EML1: variants seen among roughly 807,000 people sequenced by gnomAD.
EML1 encodes the protein EMAP like 1, also known as echinoderm microtubule-associated protein-like 1.
A neutral mutation model predicts 110.4 loss-of-function variants in EML1; 27 were observed. The observed-to-expected ratio is 0.24, with a 90% CI of 0.18 to 0.34. The LOEUF (loss-of-function observed/expected upper bound fraction) is 0.34, where lower values mean the gene tolerates loss of function less well. EML1 is among the 10% of genes least tolerant of loss of function. EML1 has a pLI of 1.00. For synonymous variants in EML1, 344 were observed against 385.8 expected (o/e 0.89, Z 1.27); for missense variants, 741 against 1,030.9 (o/e 0.72, Z 3.85).
chr14:99,850,154 A>G (rs2058770928), intron 1 of EML1: 3 of 501,916 alleles, frequency 6.0e-6, no homozygotes, highest in Non-Finnish European at 1.1e-5. Flanking sequence ...GCCTAGGCTG[A>G]TATCAAACTC....
intron 1 of EML1, among the ~76,000 whole-genome samples, chr14:99,795,131 C>T (rs533489852): frequency 6.6e-6 from 1 of 152,108 alleles, no homozygotes; most frequent in Admixed American, 6.5e-5. Context: ...GCTTGATTTG[C>T]GATATGAAAA....
chr14:99,819,468 C>T (rs1029772152), intron 1 of EML1, among the ~76,000 whole-genome samples: 8 of 152,094 alleles, frequency 5.3e-5, no homozygotes, highest in African/African-American at 1.2e-4. Context: ...TCATAGTTCT[C>T]GGAAATGTTA....
chr14:99,785,828 G>A (rs1020319773), intron 1 of EML1, among the ~76,000 whole-genome samples: 1 of 152,044 alleles, frequency 6.6e-6, no homozygotes, highest in African/African-American at 2.4e-5. Flanking sequence ...CGAACGGTTG[G>A]GGTGATTTCA....
At chr14:99,876,285 T>TCTTGC (rs952373499) in intron 3 of EML1, among the ~76,000 whole-genome samples, 12 of 151,972 alleles carry the variant, frequency 7.9e-5, no homozygotes, top group African/African-American at 2.9e-4. Context: ...GGCGCAGGGG[T>TCTTGC]CTTGCTGTGT....
upstream of EML1, among the ~76,000 whole-genome samples, chr14:99,770,070 T>C (rs1483872686): frequency 6.6e-6 from 1 of 152,232 alleles, no homozygotes; most frequent in African/African-American, 2.4e-5. Context: ...TTAACCTTTG[T>C]ACCATTCCCC....
chr14:99,811,014 T>C (rs1204637586), intron 1 of EML1, among the ~76,000 whole-genome samples: 2 of 152,150 alleles, frequency 1.3e-5, no homozygotes, highest in Non-Finnish European at 2.9e-5. Flanking sequence ...TTCTTCCTCT[T>C]TTCCTACATC....
chr14:99,770,370 A>AATTT (rs1317632695), upstream of EML1, among the ~76,000 whole-genome samples: 3 of 88,654 alleles, frequency 3.4e-5, no homozygotes, highest in African/African-American at 1.6e-4. Context: ...CTTTTTAAAA[A>AATTT]ATTTCTTTCT....
chr14:99,805,213 G>C (rs1052827053), intron 1 of EML1, among the ~76,000 whole-genome samples: 2 of 152,228 alleles, frequency 1.3e-5, no homozygotes, highest in Non-Finnish European at 2.9e-5. Context: ...AGGAGGACCT[G>C]TAGGATGTCA....
chr14:99,924,728 A>G (rs2060202537), intron 17 of EML1, among the ~76,000 whole-genome samples: 2 of 152,222 alleles, frequency 1.3e-5, no homozygotes, highest in South Asian at 4.1e-4. Flanking sequence ...AGGGATAAAG[A>G]TGCCCTTTAT....
At chr14:99,754,367 C>G (rs547132986) in intron 1 of EML1, among the ~76,000 whole-genome samples, 2 of 152,156 alleles carry the variant, frequency 1.3e-5, no homozygotes, top group Non-Finnish European at 2.9e-5. Context: ...CCCCTGCCTC[C>G]CCCCACGGTG....
chr14:99,755,118 C>T (rs1338252399), intron 1 of EML1, among the ~76,000 whole-genome samples: 3 of 152,262 alleles, frequency 2.0e-5, no homozygotes, highest in Admixed American at 2.0e-4. Context: ...GGTGCCTTAT[C>T]TTTCCTGGCA....
At chr14:99,898,969 C>T (rs1174095642) in intron 8 of EML1, among the ~76,000 whole-genome samples, 2 of 152,026 alleles carry the variant, frequency 1.3e-5, no homozygotes, top group East Asian at 3.9e-4. Context: ...AAATTTCAGC[C>T]ACCCTCTGCC....
intron 3 of EML1, among the ~76,000 whole-genome samples, chr14:99,870,667 T>A (rs1055303923): frequency 4.6e-5 from 7 of 152,258 alleles, no homozygotes; most frequent in Non-Finnish European, 1.0e-4. Context: ...CTAGGGCCCT[T>A]AAGAATGATG....
intron 1 of EML1, among the ~76,000 whole-genome samples, chr14:99,819,312 T>C (rs533914711): frequency 1.4e-4 from 21 of 152,326 alleles, no homozygotes; most frequent in African/African-American, 5.1e-4. Flanking sequence ...ATACAGCCTA[T>C]ATAATATACG....
chr14:99,739,507 C>G (rs887363532), intron 1 of EML1, among the ~76,000 whole-genome samples: 2 of 152,220 alleles, frequency 1.3e-5, no homozygotes, highest in African/African-American at 2.4e-5. Context: ...CCATCCCTTC[C>G]CCATCTAGGA....
At chr14:99,767,674 G>A (rs891608434) in intron 1 of EML1, among the ~76,000 whole-genome samples, 1 of 152,154 alleles carries the variant, frequency 6.6e-6, no homozygotes, top group African/African-American at 2.4e-5. Context: ...TGAAAAAAAT[G>A]CAAGACATTT....
rs1468027263 is a variant in EML1 at position 99,939,172 on chromosome 14, G to A, written c.2192-25G>A. The A allele has an allele frequency of 1.7e-5, 27 of 1,612,602 alleles. No homozygotes were observed. The highest frequency in any genetic ancestry group is 2.1e-5 in the Non-Finnish European group (25 of 1,179,192). ...CCCTGTGGCCCCTGGTGTTTCCAGC[G>A]CCCTGTTTGTGGTCTTTGTTTTAGG... On this transcript the variant is annotated intron_variant, in intron 20 of 21. Transcript: ENST00000262233. This position sits in a 1 kb window ranked among gnomAD's most constrained non-coding sequence, Gnocchi z 4.2.
chr14:99,860,964 T>C (rs550414247), intron 2 of EML1, among the ~76,000 whole-genome samples: 1 of 152,358 alleles, frequency 6.6e-6, no homozygotes. Flanking sequence ...GCATCTGATT[T>C]TCTTTTCATG....
chr14:99,934,301 C>T (rs6575755), intron 17 of EML1, among the ~76,000 whole-genome samples: 53,222 of 152,136 alleles, frequency 0.35, 11,221 homozygotes, highest in Non-Finnish European at 0.47. Context: ...AGCCTGTCTC[C>T]GGCTTCAGCA....
Sources: gnomAD v4.1 joint callset for allele counts (sites outside exome capture counted in the v4.1 genomes callset) on GRCh38, gnomAD v4.1.1 for gene constraint, Gnocchi (gnomAD v3.1) non-coding constraint, MANE v1.5 for transcripts, NCBI Gene and HGNC (gene_info 2026-07-23, HGNC 2026-07-21) for gene names.